NRXN3: variants seen among roughly 807,000 people sequenced by gnomAD.
The protein encoded by NRXN3 is neurexin 3, also known as neurexin III.
NRXN3 carries 32 observed loss-of-function variants against 137.6 expected under a neutral mutation model. The ratio of observed to expected loss-of-function variants is 0.23; its 90% confidence interval spans 0.18 to 0.31. NRXN3 has a LOEUF of 0.31. Ranked by LOEUF, NRXN3 falls within the 10% of genes least tolerant of loss-of-function variation. NRXN3 has a pLI of 1.00. For missense variants in NRXN3, 1,574 were observed against 2,062.5 expected, an observed-to-expected ratio of 0.76 and a Z score of 4.59; for synonymous variants, 798 against 784.5, an observed-to-expected ratio of 1.02 and a Z score of -0.29.
At chr14:78,536,312 A>G (rs2096534920) in intron 4 of NRXN3, among the ~76,000 whole-genome samples, 1 of 152,136 alleles carries the variant, frequency 6.6e-6, no homozygotes, top group Non-Finnish European at 1.5e-5. Flanking sequence ...TTTTCCCTAG[A>G]TAGTAGCTGG....
chr14:79,269,253 G>T (rs2153422729), intron 15 of NRXN3, among the ~76,000 whole-genome samples: 1 of 152,234 alleles, frequency 6.6e-6, no homozygotes, highest in South Asian at 2.1e-4. Context: ...GTTTCACCAT[G>T]TTAGCCAGGA....
chr14:79,022,180 T>C (rs1284935148), intron 15 of NRXN3, among the ~76,000 whole-genome samples: 2 of 152,332 alleles, frequency 1.3e-5, no homozygotes, highest in Non-Finnish European at 2.9e-5. Context: ...AACAATTGTT[T>C]AATACATTTT....
At chr14:78,850,318 G>A (rs947203895) in intron 10 of NRXN3, among the ~76,000 whole-genome samples, 3 of 152,086 alleles carry the variant, frequency 2.0e-5, no homozygotes, top group Non-Finnish European at 4.4e-5. Flanking sequence ...GTGACAAAGT[G>A]ACCATAATAC....
At position 79,592,861 on chromosome 14, in the gene NRXN3, T is replaced by G. The variant is rs150940754; in HGVS notation, c.3445-70917T>G. On this transcript the variant is annotated intron_variant, in intron 16 of 20. Coordinates refer to ENST00000335750, the MANE Select transcript of NRXN3 (RefSeq NM_001330195.2). Reference sequence around the variant, plus strand: ...TGAGATGAGGCAAGAAGTTGAAGAATGCCTAGCCAGGTAGCATATGAAGCC... The same window carrying G: ...TGAGATGAGGCAAGAAGTTGAAGAAGGCCTAGCCAGGTAGCATATGAAGCC... Among the ~76,000 whole-genome samples, 13 of 152,350 alleles carry G rather than the reference T, an allele frequency of 8.5e-5. 1 individual carries two copies. In the East Asian group the frequency reaches 2.1e-3, roughly 25 times the overall value.
At chr14:79,008,067 G>C (rs1451477745) in intron 15 of NRXN3, among the ~76,000 whole-genome samples, 1 of 152,084 alleles carries the variant, frequency 6.6e-6, no homozygotes, top group Non-Finnish European at 1.5e-5. Flanking sequence ...CTACCGCTGT[G>C]TTGTAAACTG....
chr14:78,656,807 G>C (rs561875074), intron 6 of NRXN3, among the ~76,000 whole-genome samples: 46 of 152,216 alleles, frequency 3.0e-4, no homozygotes, highest in African/African-American at 1.1e-3. Context: ...ACTTTGGGAG[G>C]CCAAGGTGGG....
intron 8 of NRXN3, among the ~76,000 whole-genome samples, chr14:78,748,041 A>G (rs182234669): frequency 0.01 from 1,556 of 152,320 alleles, 37 homozygotes; most frequent in Admixed American, 0.061. Context: ...GAAGATACAC[A>G]TGAGGGGTAT....
At chr14:79,401,313 G>T (rs1193926337) in intron 15 of NRXN3, among the ~76,000 whole-genome samples, 1 of 152,132 alleles carries the variant, frequency 6.6e-6, no homozygotes, top group Non-Finnish European at 1.5e-5. Context: ...AGTTCTGTTT[G>T]TCACCCTGTA....
At chr14:79,471,605 C>T (rs2096508718) in intron 16 of NRXN3, among the ~76,000 whole-genome samples, 1 of 152,226 alleles carries the variant, frequency 6.6e-6, no homozygotes, top group Middle Eastern at 3.4e-3. Context: ...CTTCTCATAC[C>T]AGCCTAAAGT....
chr14:78,927,452 C>T (rs2099309009), intron 10 of NRXN3, among the ~76,000 whole-genome samples: 1 of 152,116 alleles, frequency 6.6e-6, no homozygotes, highest in Non-Finnish European at 1.5e-5. Flanking sequence ...CCACAGTAGC[C>T]TCATAGAGCA....
intron 15 of NRXN3, among the ~76,000 whole-genome samples, chr14:79,261,642 T>TGTGA (rs10699959): frequency 2.9e-4 from 10 of 33,964 alleles, no homozygotes; most frequent in African/African-American, 1.0e-3. Context: ...TGTGTGTGTG[T>TGTGA]GATGGGGTGG....
At chr14:78,818,427 A>G (rs553808653) in intron 10 of NRXN3, among the ~76,000 whole-genome samples, 1 of 152,302 alleles carries the variant, frequency 6.6e-6, no homozygotes, top group East Asian at 1.9e-4. Flanking sequence ...TACAAGCCTA[A>G]AAATTGTAAA....
chr14:79,331,840 CTGTGTGTGTGTGTGTG>C (rs58746209), intron 15 of NRXN3, among the ~76,000 whole-genome samples: 2 of 148,718 alleles, frequency 1.3e-5, no homozygotes, highest in African/African-American at 2.5e-5. Flanking sequence ...AAGGCTTTTG[CTGTGTGTGTGTGTGTG>C]TGTGTGTGTG....
At chr14:79,572,394 CAAT>C (rs2097614589) in intron 16 of NRXN3, among the ~76,000 whole-genome samples, 1 of 152,138 alleles carries the variant, frequency 6.6e-6, no homozygotes, top group African/African-American at 2.4e-5. Flanking sequence ...CTATAAATTA[CAAT>C]ATTAATGAAC....
intron 10 of NRXN3, among the ~76,000 whole-genome samples, chr14:78,813,001 A>G (rs1465826078): frequency 6.7e-6 from 1 of 148,350 alleles, no homozygotes; most frequent in Non-Finnish European, 1.5e-5. Context: ...ATCTAGGGTT[A>G]TGTAGAGTCA....
At position 79,782,209 on chromosome 14, in the gene NRXN3, T is replaced by A. The variant is rs78622879; in HGVS notation, c.4015-22903T>A. ...CTTTAATTACAGGTTGACTAATATT[T>A]AGAAGAATTGAAATACCCCTCTCTC... On this transcript the variant is annotated intron_variant, in intron 19 of 20. Coordinates refer to ENST00000335750, the MANE Select transcript of NRXN3 (RefSeq NM_001330195.2). Among the ~76,000 whole-genome samples the A allele has an allele frequency of 6.2e-4, 94 of 152,318 alleles. 1 individual carries two copies. The East Asian group carries it at 0.017, about 28-fold the overall frequency.
intron 16 of NRXN3, among the ~76,000 whole-genome samples, chr14:79,613,602 C>T (rs2098126112): frequency 6.6e-6 from 1 of 152,042 alleles, no homozygotes; most frequent in South Asian, 2.1e-4. Context: ...TAGGTGTTGC[C>T]CAAAGATCTT....
At chr14:78,510,598 T>G (rs868111587) in intron 4 of NRXN3, among the ~76,000 whole-genome samples, 5 of 152,374 alleles carry the variant, frequency 3.3e-5, no homozygotes, top group African/African-American at 7.2e-5. Flanking sequence ...CAAACTATTT[T>G]GGAACTCAAA....
At chr14:78,995,976 C>A (rs1190780287) in intron 15 of NRXN3, among the ~76,000 whole-genome samples, 3 of 152,062 alleles carry the variant, frequency 2.0e-5, no homozygotes, top group African/African-American at 7.2e-5. Context: ...CTTCTGTACT[C>A]TGGGCCCCCG....
Sources: gnomAD v4.1 joint callset for allele counts (sites outside exome capture counted in the v4.1 genomes callset) on GRCh38, gnomAD v4.1.1 for gene constraint, MANE v1.5 for transcripts, NCBI Gene and HGNC (gene_info 2026-07-23, HGNC 2026-07-21) for gene names.